The following JUP variants were observed in gnomAD, a reference collection of about 807,000 sequenced individuals.
JUP encodes the protein junction plakoglobin.
In JUP, 28 loss-of-function variants were observed where a neutral mutation model predicts 71.1. The ratio of observed to expected loss-of-function variants is 0.39; its 90% CI spans 0.29 to 0.54. JUP has a LOEUF of 0.54. JUP is among the 20% of genes least tolerant of loss of function. The pLI, the probability that JUP is intolerant of heterozygous loss-of-function variation, is 0.62. For synonymous variants in JUP, 401 were observed against 438.9 expected (o/e 0.91, Z 1.08); for missense variants, 869 against 1,030.1 (o/e 0.84, Z 2.14).
chr17:41,762,354 T>C (rs1915037542), intron 8 of JUP, among the ~76,000 whole-genome samples: 1 of 151,696 alleles, frequency 6.6e-6, no homozygotes, highest in Non-Finnish European at 1.5e-5. Flanking sequence ...CCCAAAGTGC[T>C]GGAACTACAG....
At position 41,763,089 on chromosome 17, in the gene JUP, C is replaced by T. The variant is rs1060502681; in HGVS notation, c.1391G>A (p.Ser464Asn). The change falls in exon 8 of 14, where the codon AGC becomes AAC. Residue 464 changes from serine (S) to asparagine (N), a missense_variant. By Grantham distance (46) the Ser-to-Asn change is conservative. Transcript: ENST00000393931. ...PAVCALRHLT[S>N]RHPEAEMAQN... ...GGCCATCTCGGCCTCAGGGTGGCGGCTAGTGAGGTGGCGCAGAGCGCAGAC... is the reference window on the plus strand; with the variant it reads ...GGCCATCTCGGCCTCAGGGTGGCGGTTAGTGAGGTGGCGCAGAGCGCAGAC... The T allele has an allele frequency of 6.2e-7, 1 of 1,613,958 alleles. No individual in the cohort carries two copies. The highest frequency in any genetic ancestry group is 8.5e-7 in the Non-Finnish European group (1 of 1,179,916).
intron 5 of JUP, 40 bp downstream of exon 5, chr17:41,767,339 G>A: frequency 6.4e-7 from 1 of 1,564,844 alleles, no homozygotes; most frequent in Non-Finnish European, 8.8e-7. Flanking sequence ...GATGGCGCAA[G>A]GGTGGGCTTC....
chr17:41,786,341 G>A (rs1488595467), intron 1 of JUP: 2 of 152,142 alleles, frequency 1.3e-5, no homozygotes, highest in Non-Finnish European at 2.9e-5. Flanking sequence ...CGACCCCGGA[G>A]GCACCTGTCC....
At chr17:41,774,456 C>T (rs1402074861) in intron 1 of JUP, among the ~76,000 whole-genome samples, 1 of 152,092 alleles carries the variant, frequency 6.6e-6, no homozygotes, top group Non-Finnish European at 1.5e-5. Flanking sequence ...GCCTCAACCT[C>T]TGAAGTAGCT....
chr17:41,760,812 C>T lies in JUP; in HGVS notation c.1498-1942G>A, dbSNP rs1165127316. ...CTAACTTCAGGTAATCCTCCCGCCC[C>T]GTCCTCCCAAAGTGCTGGGATTACA... On this transcript the variant is annotated intron_variant, in intron 8 of 13. Coordinates refer to ENST00000393931, the MANE Select transcript of JUP (RefSeq NM_002230.4). Among the ~76,000 whole-genome samples the T allele has an allele frequency of 2.6e-5, 4 of 152,190 alleles. 1 individual carries two copies. The highest frequency in any genetic ancestry group is 1.9e-4 in the East Asian group (1 of 5,164).
At chr17:41,779,333 A>ATTTTTTTTTTT (rs34269111) in intron 1 of JUP, among the ~76,000 whole-genome samples, 1 of 100,222 alleles carries the variant, frequency 1.0e-5, no homozygotes, top group African/African-American at 3.6e-5. Context: ...AAACTTCCCA[A>ATTTTTTTTTTT]TTTTTTTTTT....
intron 5 of JUP, 119 bp downstream of exon 5, chr17:41,767,260 G>GTATA: frequency 1.3e-6 from 1 of 780,854 alleles, no homozygotes; most frequent in Non-Finnish European, 2.2e-6. Flanking sequence ...GATGAAGCAT[G>GTATA]TATATCTGCA....
chr17:41,764,926 C>A lies in JUP; in HGVS notation c.1051G>T (p.Ala351Ser). 6.2e-7 allele frequency: 1 copy of A among 1,614,202 alleles called. No individual in the cohort carries two copies. The highest frequency in any genetic ancestry group is 1.6e-4 in the Middle Eastern group (1 of 6,062). The change falls in exon 6 of 14, where the codon GCT (alanine) becomes TCT (serine). Residue 351 changes from alanine to serine, a missense_variant. Ala to Ser is a moderately conservative substitution (Grantham distance 99). Transcript: ENST00000393931. ...CPSNKPAIVEAGGMQALGKHL... is the reference protein window; with the variant it reads ...CPSNKPAIVESGGMQALGKHL... ...CCCTCAAGGCCATCATACTCACCAG[C>A]CTCCACAATGGCAGGCTTATTGCTG...
intron 1 of JUP, among the ~76,000 whole-genome samples, chr17:41,775,434 A>G (rs934768217): frequency 1.3e-5 from 2 of 152,180 alleles, no homozygotes; most frequent in Admixed American, 6.5e-5. Flanking sequence ...GAACAAAGGA[A>G]CTTCTCTCAC....
rs550558202 is a variant in JUP at position 41,786,584 on chromosome 17, G to C, written c.-9+4C>G. On this transcript the variant is annotated splice_donor_region_variant and intron_variant, in intron 1 of 13. Transcript: ENST00000393931. The stretch of plus-strand genomic sequence containing the variant: ...ACGATACCTGCGCCCCCGATAGCCC[G>C]CACCTGAGTATGGGGCCTGACCGGG... 77 of 152,468 alleles carry C rather than the reference G, an allele frequency of 5.1e-4. No individual in the cohort carries two copies. Among genetic ancestry groups the C allele is most frequent in the African/African-American group, 1.8e-3 (74 of 41,556 alleles). The allele number at this position is 152,468 out of a possible 1,614,324, so 9.4% of individuals were successfully genotyped here.
At chr17:41,762,162 AGAGAGAGAGAGAGAGTGTGTGT>A (rs1201058741) in intron 8 of JUP, among the ~76,000 whole-genome samples, 23 of 87,170 alleles carry the variant, frequency 2.6e-4, no homozygotes, top group Non-Finnish European at 4.0e-4. Context: ...AGAGAGAGAG[AGAGAGAGAGAGAGAGTGTGTGT>A]GTGTGTGTGT....
intron 11 of JUP, 24 bp from the exon 12 acceptor site, chr17:41,757,560 C>G (rs782565215): frequency 1.2e-6 from 2 of 1,614,028 alleles, no homozygotes; most frequent in Non-Finnish European, 1.7e-6. Context: ...AAAGGAAAAG[C>G]CAGGTTAAAC....
intron 1 of JUP, among the ~76,000 whole-genome samples, chr17:41,775,718 CAG>C (rs1246614488): frequency 6.6e-6 from 1 of 152,236 alleles, no homozygotes; most frequent in African/African-American, 2.4e-5. Flanking sequence ...GAAGCCAGAT[CAG>C]AGACTGTAGG....
chr17:41,781,728 C>CTGGCCTCCCTGCCGCACAGGA (rs2047176480), intron 1 of JUP, among the ~76,000 whole-genome samples: 1 of 152,206 alleles, frequency 6.6e-6, no homozygotes, highest in Non-Finnish European at 1.5e-5. Flanking sequence ...CAATTCCTGT[C>CTGGCCTCCCTGCCGCACAGGA]TGGCCTCCCT....
rs794729039 is a variant in JUP at position 41,767,486 on chromosome 17, C to T, written c.802G>A (p.Asp268Asn). 4.3e-6 allele frequency: 7 copies of T among 1,610,572 alleles called. No individual in the cohort carries two copies. Among genetic ancestry groups the T allele is most frequent in the Middle Eastern group, 1.6e-4 (1 of 6,072 alleles). Residue 268 changes from aspartate (D) to asparagine (N), a missense_variant, in exon 5 of 14, where the codon GAC (aspartate) becomes AAC (asparagine). Transcript: ENST00000393931. Reference protein sequence around the residue: ...EGAKMAVRLADGLQKMVPLLN... With the variant: ...EGAKMAVRLANGLQKMVPLLN... ...AGGGGCACCATCTTTTGCAGCCCGT[C>T]GGCCAGGCGCACGGCCATCTTGGCG...
intron 10 of JUP, among the ~76,000 whole-genome samples, 183 bp from the exon 11 acceptor site, chr17:41,757,967 A>T (rs1441270040): frequency 6.6e-6 from 1 of 152,170 alleles, no homozygotes; most frequent in East Asian, 1.9e-4. Context: ...AGCTACCTTG[A>T]AATTACCTGT....
intron 1 of JUP, among the ~76,000 whole-genome samples, chr17:41,783,727 T>G (rs1216631541): frequency 6.6e-6 from 1 of 151,746 alleles, no homozygotes; most frequent in Non-Finnish European, 1.5e-5. Context: ...AAGACCAGCC[T>G]GCGCAACATG....
chr17:41,756,290 G>C, intron 12 of JUP, 76 bp from the exon 13 acceptor site: 1 of 1,448,600 alleles, frequency 6.9e-7, no homozygotes. Flanking sequence ...TGGTGGGCAG[G>C]GAGAGATGCT....
At chr17:41,778,504 T>C (rs1555609403) in intron 1 of JUP, among the ~76,000 whole-genome samples, 2 of 144,166 alleles carry the variant, frequency 1.4e-5, no homozygotes, top group East Asian at 4.1e-4. Flanking sequence ...GAAGAGGAGG[T>C]TGCAGTGAGC....
Sources: gnomAD v4.1 joint callset for allele counts (sites outside exome capture counted in the v4.1 genomes callset) on GRCh38, gnomAD v4.1.1 for gene constraint, MANE v1.5 for transcripts, NCBI Gene and HGNC (gene_info 2026-07-23, HGNC 2026-07-21) for gene names.